BBS4: variants seen among roughly 807,000 people sequenced by gnomAD.
The protein encoded by BBS4 is BBSome complex member BBS4.
In BBS4, 58 loss-of-function variants were observed where a neutral mutation model predicts 71.4. The observed-to-expected ratio is 0.81, with a 90% CI of 0.66 to 1.01. The LOEUF is 1.01. BBS4 is among the 50% of genes least tolerant of loss of function. The pLI, the probability that BBS4 is intolerant of heterozygous loss-of-function variation, is 0.00. For missense variants in BBS4, 660 were observed against 607.9 expected, an observed-to-expected ratio of 1.09 and a Z score of -0.90; for synonymous variants, 228 against 216.8, an observed-to-expected ratio of 1.05 and a Z score of -0.46.
At chr15:72,724,953 A>G (rs1443038742) in intron 8 of BBS4, among the ~76,000 whole-genome samples, 1 of 151,760 alleles carries the variant, frequency 6.6e-6, no homozygotes, top group Non-Finnish European at 1.5e-5. Context: ...CTTTACCTGC[A>G]TGGTTGATGC....
At chr15:72,724,486 G>A in intron 7 of BBS4, 42 bp from the exon 8 acceptor site, 4 of 1,612,026 alleles carry the variant, frequency 2.5e-6, no homozygotes, top group Non-Finnish European at 3.4e-6. Flanking sequence ...AGTTCGTTCA[G>A]TGGTAGTGAT....
Position 72,736,848 on chromosome 15 carries a change from A to G in BBS4, c.1335A>G (p.Ser445=). 6.2e-7 allele frequency: 1 copy of G among 1,614,218 alleles called. No individual in the cohort carries two copies. The highest frequency in any genetic ancestry group is 1.1e-5 in the South Asian group (1 of 91,086). Residue 445 remains serine (S), a synonymous_variant, in exon 15 of 16, where the codon TCA becomes TCG. Coordinates refer to ENST00000268057, the MANE Select transcript of BBS4 (RefSeq NM_033028.5). The part of the protein sequence containing the change: ...VWTKPVKDPK[S]KHQTTSTSKP... The stretch of plus-strand genomic sequence containing the variant: ...CCAAACCAGTTAAAGATCCCAAATC[A>G]AAGCACCAGACCACTTCAACCAGCA...
chr15:72,707,245 C>G (rs2065281533), intron 2 of BBS4, among the ~76,000 whole-genome samples: 2 of 140,942 alleles, frequency 1.4e-5, no homozygotes, highest in South Asian at 2.3e-4. Context: ...GTGTCATGAT[C>G]TTGGCTCACT....
At chr15:72,695,088 C>A in intron 1 of BBS4, 89 bp from the exon 2 acceptor site, 1 of 873,426 alleles carries the variant, frequency 1.1e-6, no homozygotes, top group South Asian at 1.4e-5. Context: ...AATTGGTGAG[C>A]TACTGATTAT....
At chr15:72,686,473 C>G (rs1001318298) in intron 1 of BBS4, 2 of 1,529,904 alleles carry the variant, frequency 1.3e-6, no homozygotes, top group African/African-American at 2.7e-5. Flanking sequence ...ACTGTAGTCC[C>G]TCTTGGGGTG....
At chr15:72,722,704 C>G in intron 6 of BBS4, 90 bp from the exon 7 acceptor site, 1 of 1,195,312 alleles carries the variant, frequency 8.4e-7, no homozygotes, top group Non-Finnish European at 1.2e-6. Context: ...CCTTGCCGAG[C>G]AATAACAATC....
At chr15:72,720,852 TG>T (rs1244483250) in intron 6 of BBS4, among the ~76,000 whole-genome samples, 1 of 152,248 alleles carries the variant, frequency 6.6e-6, no homozygotes, top group Non-Finnish European at 1.5e-5. Flanking sequence ...GACTCTGATT[TG>T]TTCTGTTGCC....
chr15:72,724,498 T>G (rs890289496), intron 7 of BBS4, 30 bp from the exon 8 acceptor site: 3 of 1,613,016 alleles, frequency 1.9e-6, no homozygotes, highest in Non-Finnish European at 1.7e-6. Flanking sequence ...GGTAGTGATT[T>G]GGTTTTCTTT....
In BBS4 at chr15:72,737,766, G is replaced by A. The variant is rs919177489; in HGVS notation, c.*179G>A. The A allele has an allele frequency of 3.1e-6, 2 of 643,158 alleles. No homozygotes were observed. The highest frequency in any genetic ancestry group is 3.1e-5 in the East Asian group (1 of 32,160). The allele number at this position is 643,158 out of a possible 1,614,324, so 39.8% of individuals were successfully genotyped here. A position where few individuals can be genotyped will look rare whatever the true frequency, so the allele number is the denominator to read the frequency against. The stretch of plus-strand genomic sequence containing the variant: ...TACCTACCTGGTATTGGCATTTGAG[G>A]TCGGAAACCCTCTACTGCCCCATAA... On this transcript the variant is annotated 3_prime_UTR_variant, in exon 16 of 16. Transcript: ENST00000268057.
chr15:72,716,050 A>G (rs1478960225), intron 5 of BBS4, among the ~76,000 whole-genome samples: 1 of 152,022 alleles, frequency 6.6e-6, no homozygotes, highest in Non-Finnish European at 1.5e-5. Flanking sequence ...TGTTCTGAGC[A>G]TGCTTAAGAT....
intron 2 of BBS4, among the ~76,000 whole-genome samples, chr15:72,701,142 G>C (rs1039016966): frequency 1.3e-5 from 2 of 152,100 alleles, no homozygotes. Context: ...CCCTCCCAAA[G>C]GTAGTAACTT....
At chr15:72,729,980 C>A (rs1755176758) in intron 10 of BBS4, among the ~76,000 whole-genome samples, 1 of 152,006 alleles carries the variant, frequency 6.6e-6, no homozygotes. Context: ...CAACTATTGT[C>A]AAAAATAAAT....
chr15:72,725,679 C>T (rs1235572763), intron 8 of BBS4, among the ~76,000 whole-genome samples: 3 of 144,714 alleles, frequency 2.1e-5, no homozygotes, highest in Non-Finnish European at 3.0e-5. Context: ...CCCATTTTCC[C>T]TTCCCCTTCC....
At chr15:72,711,290 G>A (rs1293453027) in intron 3 of BBS4, among the ~76,000 whole-genome samples, 1 of 151,974 alleles carries the variant, frequency 6.6e-6, no homozygotes, top group African/African-American at 2.4e-5. Flanking sequence ...TGGGATTACA[G>A]GCATGTGCCA....
At position 72,738,326 on chromosome 15, in the gene BBS4, A is replaced by AAGAT. The variant is rs1484522276; in HGVS notation, c.*742_*745dup. The stretch of plus-strand genomic sequence containing the variant: ...TTTCTTAGATGAGTAATTGTTATTG[A>AAGAT]AGATAGTCAGTGATAACCACTGACC... On this transcript the variant is annotated 3_prime_UTR_variant, in exon 16 of 16. Transcript: ENST00000268057. The AAGAT allele has an allele frequency of 6.6e-6, 3 of 454,008 alleles. No homozygotes were observed. Among genetic ancestry groups the AAGAT allele is most frequent in the African/African-American group, 4.0e-5 (2 of 50,014 alleles). 28.1% of individuals were successfully genotyped at this position (454,008 alleles called of 1,614,324 possible).
chr15:72,706,453 C>T lies in BBS4; in HGVS notation c.77-3247C>T, dbSNP rs1435170838. Among the ~76,000 whole-genome samples, 4 of 152,128 alleles carry T rather than the reference C, an allele frequency of 2.6e-5. No homozygotes were observed. The East Asian group carries it at 5.8e-4, about 22-fold the overall frequency. ...CCCCGGACCCTGGAACTATTTATGA[C>T]GGTGCACTTTATGCACTTAACACAC... On this transcript the variant is annotated intron_variant, in intron 2 of 15. Transcript: ENST00000268057.
intron 15 of BBS4, 83 bp from the exon 16 acceptor site, chr15:72,737,395 C>T: frequency 9.1e-6 from 11 of 1,209,824 alleles, no homozygotes; most frequent in Non-Finnish European, 1.3e-5. Flanking sequence ...TATGGGGTTT[C>T]CTCTTGAACT....
At chr15:72,735,794 C>A in intron 13 of BBS4, 31 bp from the exon 14 acceptor site, 1 of 1,613,874 alleles carries the variant, frequency 6.2e-7, no homozygotes, top group Non-Finnish European at 8.5e-7. Flanking sequence ...TTGCAGAGCC[C>A]CCAGCTCCAT....
intron 2 of BBS4, among the ~76,000 whole-genome samples, chr15:72,703,075 T>G (rs2065205426): frequency 6.6e-6 from 1 of 151,738 alleles, no homozygotes; most frequent in Non-Finnish European, 1.5e-5. Context: ...CCTCCCAAAG[T>G]GCTGGGATTA....
Sources: allele counts gnomAD v4.1 joint callset (sites outside exome capture counted in the v4.1 genomes callset), GRCh38; gene constraint gnomAD v4.1.1; transcripts MANE v1.5; gene names NCBI Gene and HGNC (gene_info 2026-07-23, HGNC 2026-07-21).